ENOX1: variants seen among roughly 807,000 people sequenced by gnomAD.
ENOX1 encodes the protein ecto-NOX disulfide-thiol exchanger 1.
ENOX1 carries 42 observed loss-of-function variants against 82.5 expected under a neutral mutation model. The ratio of observed to expected loss-of-function variants is 0.51; its 90% CI spans 0.40 to 0.66. The LOEUF (loss-of-function observed/expected upper bound fraction) is 0.66. Among genes scored for constraint, ENOX1 ranks in the 30% least tolerant of loss-of-function variants. The probability of loss-of-function intolerance (pLI) is 0.00; values close to 1 mark genes in which losing one functional copy is unlikely to be tolerated. For synonymous variants in ENOX1, 271 were observed against 282.2 expected, an observed-to-expected ratio of 0.96 and a Z score of 0.40; for missense variants, 608 against 811.6, an observed-to-expected ratio of 0.75 and a Z score of 3.05.
intron 10 of ENOX1, among the ~76,000 whole-genome samples, chr13:43,322,747 G>A (rs2047889457): frequency 6.6e-6 from 1 of 152,130 alleles, no homozygotes; most frequent in South Asian, 2.1e-4. Flanking sequence ...AATCTCTCTT[G>A]AGTCTCAATT....
intron 1 of ENOX1, among the ~76,000 whole-genome samples, chr13:43,784,909 T>G (rs756237242): frequency 1.5e-4 from 23 of 152,364 alleles, no homozygotes; most frequent in Non-Finnish European, 2.6e-4. Flanking sequence ...GCAATCACGC[T>G]TTGAAATGAA....
intron 5 of ENOX1, among the ~76,000 whole-genome samples, chr13:43,384,057 T>A (rs146982388): frequency 2.2e-3 from 340 of 152,302 alleles, no homozygotes; most frequent in African/African-American, 7.8e-3. Flanking sequence ...ACAGTGTGAC[T>A]TCAAACAGAT....
chr13:43,664,045 T>A (rs1422395748), intron 2 of ENOX1, among the ~76,000 whole-genome samples: 1 of 152,138 alleles, frequency 6.6e-6, no homozygotes, highest in African/African-American at 2.4e-5. Context: ...GTACAAAAAT[T>A]TTCTGAAAAA....
intron 11 of ENOX1, among the ~76,000 whole-genome samples, chr13:43,318,954 C>T (rs934099970): frequency 6.6e-6 from 1 of 152,024 alleles, no homozygotes; most frequent in African/African-American, 2.4e-5. Context: ...TATCCCGCCC[C>T]ACAGAGTCAA....
chr13:43,762,892 C>T (rs1037745687), intron 1 of ENOX1, among the ~76,000 whole-genome samples: 2 of 152,064 alleles, frequency 1.3e-5, no homozygotes, highest in African/African-American at 2.4e-5. Flanking sequence ...TGATTCAATC[C>T]GTTCTCAATT....
chr13:43,520,882 AC>A (rs1166310943), intron 2 of ENOX1, among the ~76,000 whole-genome samples: 1 of 152,166 alleles, frequency 6.6e-6, no homozygotes, highest in Admixed American at 6.5e-5. Context: ...AGTGGTGGTC[AC>A]CCACCATATC....
chr13:43,250,945 T>C (rs1052069104), intron 14 of ENOX1, among the ~76,000 whole-genome samples: 6 of 152,198 alleles, frequency 3.9e-5, no homozygotes, highest in African/African-American at 1.4e-4. Context: ...TGGAAAAGTA[T>C]GGTCCACAGA....
chr13:43,673,325 TGACACATAC>T (rs948002462), intron 1 of ENOX1, among the ~76,000 whole-genome samples: 9 of 152,222 alleles, frequency 5.9e-5, no homozygotes, highest in African/African-American at 2.2e-4. Flanking sequence ...ACCATATCCC[TGACACATAC>T]GACTCACCCA....
chr13:43,500,755 T>G (rs1329108943), intron 2 of ENOX1, among the ~76,000 whole-genome samples: 6 of 151,906 alleles, frequency 3.9e-5, no homozygotes, highest in Admixed American at 3.3e-4. Flanking sequence ...AGATTAGTTT[T>G]AAGAATAACT....
intron 3 of ENOX1, among the ~76,000 whole-genome samples, chr13:43,433,774 G>A (rs1347631525): frequency 6.6e-6 from 1 of 152,176 alleles, no homozygotes; most frequent in African/African-American, 2.4e-5. Flanking sequence ...ATTCCCTGCT[G>A]GAACGCACCT....
At chr13:43,743,840 G>A (rs534547540) in intron 1 of ENOX1, among the ~76,000 whole-genome samples, 1 of 152,244 alleles carries the variant, frequency 6.6e-6, no homozygotes, top group East Asian at 1.9e-4. Context: ...TGGAGGCTAG[G>A]AAGTCTAAGA....
chr13:43,301,018 A>G (rs145744704), intron 11 of ENOX1, among the ~76,000 whole-genome samples: 1,684 of 152,300 alleles, frequency 0.011, 17 homozygotes, highest in African/African-American at 0.037. Context: ...CCATAAGGAA[A>G]TGGTTATGAG....
chr13:43,744,059 G>T (rs1057262204), intron 1 of ENOX1, among the ~76,000 whole-genome samples: 1 of 152,134 alleles, frequency 6.6e-6, no homozygotes, highest in Non-Finnish European at 1.5e-5. Flanking sequence ...CAAAACTGTT[G>T]CGTTGGTGAT....
chr13:43,270,419 A>C (rs1026254339), intron 12 of ENOX1, among the ~76,000 whole-genome samples: 1 of 152,174 alleles, frequency 6.6e-6, no homozygotes. Context: ...GCTACTGTAC[A>C]TAACAATTGC....
At chr13:43,572,788 C>T (rs2080241738) in intron 2 of ENOX1, among the ~76,000 whole-genome samples, 1 of 152,222 alleles carries the variant, frequency 6.6e-6, no homozygotes, top group East Asian at 1.9e-4. Flanking sequence ...AGCTGAGCCA[C>T]CACAGCTTTC....
intron 1 of ENOX1, among the ~76,000 whole-genome samples, chr13:43,746,631 T>TATAGTTAC (rs1950035203): frequency 2.6e-5 from 4 of 151,856 alleles, no homozygotes; most frequent in African/African-American, 9.7e-5. Flanking sequence ...TCACTGTTCA[T>TATAGTTAC]CCATATAGTT....
intron 14 of ENOX1, among the ~76,000 whole-genome samples, chr13:43,259,016 T>G (rs765927130): frequency 1.3e-5 from 2 of 152,184 alleles, no homozygotes. Context: ...TACTCATCAC[T>G]GGGTCTCCAA....
intron 2 of ENOX1, among the ~76,000 whole-genome samples, chr13:43,493,158 C>A (rs540601749): frequency 6.6e-6 from 1 of 152,172 alleles, no homozygotes; most frequent in African/African-American, 2.4e-5. Flanking sequence ...CTCCCCCCTC[C>A]CACTCCCTCT....
intron 14 of ENOX1, among the ~76,000 whole-genome samples, chr13:43,261,073 A>G (rs776576955): frequency 3.9e-5 from 6 of 152,190 alleles, no homozygotes; most frequent in East Asian, 1.9e-4. Context: ...CTGGGCATGC[A>G]TTCGCAGATG....
Sources: allele counts gnomAD v4.1 joint callset (sites outside exome capture counted in the v4.1 genomes callset), GRCh38; gene constraint gnomAD v4.1.1; transcripts MANE v1.5; gene names NCBI Gene and HGNC (gene_info 2026-07-23, HGNC 2026-07-21).